The following GRHL2 variants were observed in gnomAD, a reference collection of about 807,000 sequenced individuals.
The protein encoded by GRHL2 is grainyhead-like protein 2 homolog.
GRHL2 carries 21 observed loss-of-function variants against 83.8 expected under a neutral mutation model. That is an observed-to-expected ratio of 0.25 (90% CI 0.18 to 0.36). The LOEUF is 0.36. Ranked by LOEUF, GRHL2 falls within the 10% of genes least tolerant of loss-of-function variation. The pLI, the probability that GRHL2 is intolerant of heterozygous loss-of-function variation, is 1.00. For missense variants in GRHL2, 623 were observed against 781.8 expected (o/e 0.80, Z 2.42); for synonymous variants, 280 against 278.9 (o/e 1.00, Z -0.04).
intron 11 of GRHL2, among the ~76,000 whole-genome samples, chr8:101,636,069 C>A (rs187993592): frequency 5.7e-4 from 87 of 152,262 alleles, no homozygotes; most frequent in African/African-American, 1.9e-3. Context: ...CACTCAAAGG[C>A]AACAGTCCTG....
chr8:101,646,973 C>T (rs1813523477), intron 13 of GRHL2, among the ~76,000 whole-genome samples: 2 of 152,222 alleles, frequency 1.3e-5, no homozygotes, highest in African/African-American at 2.4e-5. Context: ...ATCAACGCGG[C>T]TCCCTTTAAC....
intron 1 of GRHL2, among the ~76,000 whole-genome samples, chr8:101,499,389 C>T (rs1451586761): frequency 6.6e-6 from 1 of 151,980 alleles, no homozygotes; most frequent in Non-Finnish European, 1.5e-5. Flanking sequence ...CTTCTTGTTC[C>T]CTCCTTCCCT....
intron 8 of GRHL2, among the ~76,000 whole-genome samples, chr8:101,611,083 C>T (rs1812740161): frequency 1.3e-5 from 2 of 150,806 alleles, no homozygotes; most frequent in African/African-American, 5.0e-5. Context: ...TCACAATGCT[C>T]CTAAAAATCT....
At chr8:101,543,626 A>G (rs1459569195) in intron 2 of GRHL2, 190 bp downstream of exon 2, 2 of 638,614 alleles carry the variant, frequency 3.1e-6, no homozygotes, top group Non-Finnish European at 5.7e-6. Flanking sequence ...TTTATCACCC[A>G]TCCAGAGGAA....
At chr8:101,677,237 A>G in the GRHL2 span, among the ~76,000 whole-genome samples, 1 of 151,912 alleles carries the variant, frequency 6.6e-6, no homozygotes, top group Admixed American at 6.6e-5. Flanking sequence ...AAATAAAGAA[A>G]AGGCACCAAG....
rs369604188 is a variant in GRHL2 at position 101,610,370 on chromosome 8, G to T, written c.1099-9169G>T. Reference sequence around the variant, plus strand: ...TGGAAGGTAGCAATAGAAGGAGGAAGTAGTAATCCTACAGGAAGGAGGGCT... The same window carrying T: ...TGGAAGGTAGCAATAGAAGGAGGAATTAGTAATCCTACAGGAAGGAGGGCT... On this transcript the variant is annotated intron_variant, in intron 8 of 15. Coordinates refer to ENST00000646743, the MANE Select transcript of GRHL2 (RefSeq NM_024915.4). 1.7e-4 allele frequency among the ~76,000 whole-genome samples: 26 copies of T among 150,996 alleles called. No homozygotes were observed. In the South Asian group the frequency reaches 5.4e-3, roughly 31 times the overall value.
At chr8:101,663,001 TG>T (rs1305887602) in intron 14 of GRHL2, among the ~76,000 whole-genome samples, 1 of 152,214 alleles carries the variant, frequency 6.6e-6, no homozygotes, top group Non-Finnish European at 1.5e-5. Context: ...TTTCTTTTGA[TG>T]ACTGCATGAT....
At chr8:101,594,542 A>G (rs1255462860) in intron 7 of GRHL2, among the ~76,000 whole-genome samples, 2 of 152,226 alleles carry the variant, frequency 1.3e-5, no homozygotes, top group East Asian at 1.9e-4. Flanking sequence ...TTGTCGGACA[A>G]CTATGCATGT....
chr8:101,518,878 C>T (rs971672712), intron 1 of GRHL2, among the ~76,000 whole-genome samples: 5 of 152,168 alleles, frequency 3.3e-5, no homozygotes, highest in Admixed American at 2.6e-4. Flanking sequence ...AAGCACTCTA[C>T]GTAATTTGTT....
At chr8:101,594,797 T>C (rs1332968351) in intron 7 of GRHL2, among the ~76,000 whole-genome samples, 1 of 152,216 alleles carries the variant, frequency 6.6e-6, no homozygotes, top group African/African-American at 2.4e-5. Context: ...ATGGAGCACA[T>C]CCTATGAGTA....
intron 1 of GRHL2, among the ~76,000 whole-genome samples, chr8:101,513,191 AG>A (rs1810498270): frequency 6.6e-6 from 1 of 152,110 alleles, no homozygotes; most frequent in Non-Finnish European, 1.5e-5. Context: ...TTTAAATAAT[AG>A]GTTCAGTTCA....
Position 101,638,150 on chromosome 8 carries a change from G to A in GRHL2, c.1517+1222G>A, listed in dbSNP as rs11995361. 6.2e-3 allele frequency among the ~76,000 whole-genome samples: 940 copies of A among 152,162 alleles called. 11 individuals carry two copies. The highest frequency in any genetic ancestry group is 0.022 in the African/African-American group (896 of 41,462). On this transcript the variant is annotated intron_variant, in intron 12 of 15. Transcript: ENST00000646743. ...CTGTGTGTCACTAAAATCTTTAGAT[G>A]TTTTTTCTTCAAACTACAGTCAAAC... is the stretch of plus-strand genomic sequence containing the variant.
chr8:101,607,707 AT>A (rs1466902460), intron 8 of GRHL2, among the ~76,000 whole-genome samples: 1 of 152,128 alleles, frequency 6.6e-6, no homozygotes, highest in Non-Finnish European at 1.5e-5. Flanking sequence ...GGCAAATGGC[AT>A]TTTTTTATGT....
chr8:101,535,102 G>A (rs1022717485), intron 1 of GRHL2, among the ~76,000 whole-genome samples: 1 of 152,172 alleles, frequency 6.6e-6, no homozygotes, highest in African/African-American at 2.4e-5. Flanking sequence ...AGTTCTATAT[G>A]ATAGGGATTT....
At position 101,530,096 on chromosome 8, in the gene GRHL2, C is replaced by T. The variant is rs149891262; in HGVS notation, c.21-13145C>T. Among the ~76,000 whole-genome samples, 196 of 152,318 alleles carry T rather than the reference C, an allele frequency of 1.3e-3. 2 individuals carry two copies. The highest frequency in any genetic ancestry group is 4.6e-3 in the African/African-American group (191 of 41,566). On this transcript the variant is annotated intron_variant, in intron 1 of 15. Transcript: ENST00000646743. The stretch of plus-strand genomic sequence containing the variant: ...ATTGGGCACACTGTACAGGAACTGG[C>T]TTAGCCATAGGCACTGAAGACTTGA...
intron 7 of GRHL2, among the ~76,000 whole-genome samples, chr8:101,588,535 G>A (rs1259545466): frequency 1.3e-5 from 2 of 152,126 alleles, no homozygotes; most frequent in Non-Finnish European, 2.9e-5. Flanking sequence ...ACCTTCCTAC[G>A]TCACTTAACT....
intron 14 of GRHL2, among the ~76,000 whole-genome samples, chr8:101,657,629 A>G (rs1164673822): frequency 2.0e-5 from 3 of 152,184 alleles, no homozygotes; most frequent in South Asian, 2.1e-4. Flanking sequence ...TCACGAGGTC[A>G]GGAGATTGAG....
intron 5 of GRHL2, 137 bp from the exon 6 acceptor site, chr8:101,573,531 T>C (rs768839097): frequency 3.2e-5 from 32 of 992,586 alleles, no homozygotes; most frequent in Middle Eastern, 3.1e-4. Flanking sequence ...CTCATCTCTT[T>C]TGCCATATGC....
chr8:101,649,304 C>T (rs1813573926), intron 13 of GRHL2, 110 bp from the exon 14 acceptor site: 9 of 811,916 alleles, frequency 1.1e-5, no homozygotes, highest in South Asian at 2.9e-5. Context: ...TCTGAGGCTT[C>T]GCAGGAGGTG....
Sources: gnomAD v4.1 joint callset for allele counts (sites outside exome capture counted in the v4.1 genomes callset) on GRCh38, gnomAD v4.1.1 for gene constraint, MANE v1.5 for transcripts, NCBI Gene and HGNC (gene_info 2026-07-23, HGNC 2026-07-21) for gene names.